The following SGPL1 variants were observed in gnomAD, a reference collection of about 807,000 sequenced individuals.
SGPL1 encodes SP-lyase 1.
A neutral mutation model predicts 68.9 loss-of-function variants in SGPL1; 37 were observed. That is an observed-to-expected ratio of 0.54 (90% CI 0.41 to 0.71). The LOEUF (loss-of-function observed/expected upper bound fraction) is 0.71. Ranked by LOEUF, SGPL1 falls within the 30% of genes least tolerant of loss-of-function variation. The pLI, the probability that SGPL1 is intolerant of heterozygous loss-of-function variation, is 0.00. For synonymous variants in SGPL1, 236 were observed against 248.5 expected, an observed-to-expected ratio of 0.95 and a Z score of 0.47; for missense variants, 551 against 704.6, an observed-to-expected ratio of 0.78 and a Z score of 2.47.
At chr10:70,875,725 C>A (rs1436135905) in intron 13 of SGPL1, among the ~76,000 whole-genome samples, 177 bp downstream of exon 13, 1 of 152,172 alleles carries the variant, frequency 6.6e-6, no homozygotes, top group East Asian at 1.9e-4. Flanking sequence ...AAGAACAAGA[C>A]CATTAGCTTT....
intron 2 of SGPL1, among the ~76,000 whole-genome samples, chr10:70,828,104 T>C (rs761956525): frequency 3.9e-5 from 6 of 152,242 alleles, no homozygotes; most frequent in Non-Finnish European, 5.9e-5. Context: ...GAACATGTCT[T>C]GGTAAACATA....
chr10:70,825,648 C>T (rs1421228317), intron 2 of SGPL1, among the ~76,000 whole-genome samples: 1 of 152,132 alleles, frequency 6.6e-6, no homozygotes, highest in East Asian at 1.9e-4. Context: ...CCTGGAGGGC[C>T]TTTAAAAGTA....
intron 5 of SGPL1, among the ~76,000 whole-genome samples, chr10:70,855,264 T>C (rs1018881597): frequency 2.3e-4 from 35 of 152,386 alleles, no homozygotes; most frequent in African/African-American, 7.7e-4. Flanking sequence ...TCTTTATGCA[T>C]GTAGCTATAG....
In SGPL1 at chr10:70,861,657, C is replaced by T. The variant is rs532188187; in HGVS notation, c.615+2158C>T. Among the ~76,000 whole-genome samples the T allele has an allele frequency of 1.1e-3, 165 of 152,294 alleles. 1 individual carries two copies. The highest frequency in any genetic ancestry group is 3.4e-3 in the Middle Eastern group (1 of 294). On this transcript the variant is annotated intron_variant, in intron 7 of 14. Transcript: ENST00000373202. ...GAGGTGTGGAGGGAGAGGCGTGAGC[C>T]GGAACCAGGGCTGCGCGCAGCGCTT... is the stretch of plus-strand genomic sequence containing the variant.
Position 70,876,578 on chromosome 10 carries a change from C to T in SGPL1, c.1483C>T (p.Arg495Ter), listed in dbSNP as rs374024951. The change falls in exon 14 of 15, where the codon CGA becomes TGA. Residue 495 changes from arginine to a stop codon, truncating the protein, a stop_gained. Coordinates refer to ENST00000373202, the MANE Select transcript of SGPL1 (RefSeq NM_003901.4). LOFTEE classifies it high-confidence loss of function. ...CATCACATTACTACACGCCCGGAAA[C>T]GAGTAGCTATACAATTCCTAAAGGA... ...FCITLLHARK[R>*]VAIQFLKDIR... The T allele has an allele frequency of 8.7e-6, 14 of 1,612,318 alleles. No homozygotes were observed. The highest frequency in any genetic ancestry group is 1.7e-5 in the Admixed American group (1 of 59,988).
Position 70,878,922 on chromosome 10 carries a change from T to A in SGPL1, c.*1587T>A, listed in dbSNP as rs1252709269. The A allele has an allele frequency of 2.0e-5, 3 of 152,720 alleles. No homozygotes were observed. Among genetic ancestry groups the A allele is most frequent in the Non-Finnish European group, 4.4e-5 (3 of 68,114 alleles). 9.5% of individuals were successfully genotyped at this position (152,720 alleles called of 1,614,324 possible). ...CCTGTAATCCCTTCCCAAGACTAGC[T>A]GCTCAGGGTGGTGCAGGGACAGGAC... is the stretch of plus-strand genomic sequence containing the variant. On this transcript the variant is annotated 3_prime_UTR_variant, in exon 15 of 15. Coordinates refer to ENST00000373202, the MANE Select transcript of SGPL1 (RefSeq NM_003901.4).
intron 7 of SGPL1, among the ~76,000 whole-genome samples, chr10:70,861,667 G>C (rs1186883035): frequency 6.6e-6 from 1 of 152,224 alleles, no homozygotes; most frequent in African/African-American, 2.4e-5. Context: ...CGGAACCAGG[G>C]CTGCGCGCAG....
intron 2 of SGPL1, among the ~76,000 whole-genome samples, chr10:70,818,833 A>C (rs1040201717): frequency 2.0e-5 from 3 of 152,216 alleles, no homozygotes; most frequent in African/African-American, 7.2e-5. Flanking sequence ...TCTTATTCAA[A>C]GACCATTATG....
Position 70,844,603 on chromosome 10 carries a change from T to C in SGPL1, c.158T>C (p.Ile53Thr). 1.2e-6 allele frequency: 2 copies of C among 1,614,144 alleles called. No individual in the cohort carries two copies. The highest frequency in any genetic ancestry group is 1.1e-5 in the South Asian group (1 of 91,078). Residue 53 changes from isoleucine to threonine, a missense_variant, in exon 3 of 15, where the codon ATA (isoleucine) becomes ACA (threonine). Coordinates refer to ENST00000373202, the MANE Select transcript of SGPL1 (RefSeq NM_003901.4). The part of the protein sequence containing the change: ...IAWSVVWTLL[I>T]VWGYEFVFQP... ...TGGAGTGTCGTGTGGACCCTGCTGA[T>C]AGTCTGGGGATATGAGTTTGTCTTC...
At chr10:70,819,224 C>T (rs1273571794) in intron 2 of SGPL1, among the ~76,000 whole-genome samples, 1 of 152,212 alleles carries the variant, frequency 6.6e-6, no homozygotes, top group Non-Finnish European at 1.5e-5. Flanking sequence ...CACCTTTCAC[C>T]TCCTCACCTG....
chr10:70,852,043 T>C (rs1220980607), intron 4 of SGPL1, among the ~76,000 whole-genome samples: 1 of 152,212 alleles, frequency 6.6e-6, no homozygotes, highest in African/African-American at 2.4e-5. Context: ...CAGATGAAGA[T>C]AAACAGGGCA....
intron 2 of SGPL1, among the ~76,000 whole-genome samples, chr10:70,837,674 C>T (rs1845647288): frequency 6.6e-6 from 1 of 152,176 alleles, no homozygotes; most frequent in Non-Finnish European, 1.5e-5. Flanking sequence ...TCTAGGTTGG[C>T]ATGGTAGATA....
Position 70,875,512 on chromosome 10 carries a change from AG to A in SGPL1, c.1413del (p.Trp472GlyfsTer3), listed in dbSNP as rs1846370282. 1 of 1,613,366 alleles carries A rather than the reference AG, an allele frequency of 6.2e-7. No individual in the cohort carries two copies. The highest frequency in any genetic ancestry group is 2.2e-5 in the East Asian group (1 of 44,876). On this transcript the variant is annotated frameshift_variant, in exon 13 of 15. Coordinates refer to ENST00000373202, the MANE Select transcript of SGPL1 (RefSeq NM_003901.4). LOFTEE classifies it high-confidence loss of function. ...IYRLSNLMTA[K>X]GWNLNQLQFP... ...CGACTATCAAACCTGATGACTGCTA[AG>A]GGGTGGAACTTGAACCAGTTGCAGT...
chr10:70,863,267 G>A (rs1364592637), intron 7 of SGPL1, among the ~76,000 whole-genome samples: 2 of 149,186 alleles, frequency 1.3e-5, no homozygotes, highest in South Asian at 2.1e-4. Context: ...GATTACAGGC[G>A]TAAGCCACCA....
chr10:70,854,453 G>A (rs1845931274), intron 4 of SGPL1, among the ~76,000 whole-genome samples: 1 of 152,146 alleles, frequency 6.6e-6, no homozygotes, highest in Admixed American at 6.5e-5. Context: ...GTGATAATAG[G>A]TGTAAGCCAC....
intron 5 of SGPL1, among the ~76,000 whole-genome samples, chr10:70,856,792 C>A (rs1291869704): frequency 1.1e-4 from 16 of 152,174 alleles, no homozygotes; most frequent in Admixed American, 6.5e-4. Flanking sequence ...TTTCTCACTA[C>A]CCACTTTCAA....
intron 2 of SGPL1, among the ~76,000 whole-genome samples, chr10:70,827,833 A>T (rs375639758): frequency 4.6e-4 from 70 of 152,278 alleles, no homozygotes; most frequent in African/African-American, 1.7e-3. Flanking sequence ...GTTGATACCT[A>T]CCAAAGGTTT....
At chr10:70,821,177 A>G (rs2131845485) in intron 2 of SGPL1, among the ~76,000 whole-genome samples, 1 of 152,340 alleles carries the variant, frequency 6.6e-6, no homozygotes, top group East Asian at 1.9e-4. Context: ...CTCATAGAGA[A>G]TAAAATGAGT....
chr10:70,820,753 C>A (rs1023595974), intron 2 of SGPL1, among the ~76,000 whole-genome samples: 2 of 151,038 alleles, frequency 1.3e-5, no homozygotes, highest in African/African-American at 4.9e-5. Flanking sequence ...CCAGCCTGGG[C>A]GACAGAGCGA....
Sources: gnomAD v4.1 joint callset for allele counts (sites outside exome capture counted in the v4.1 genomes callset) on GRCh38, gnomAD v4.1.1 for gene constraint, MANE v1.5 for transcripts, NCBI Gene and HGNC (gene_info 2026-07-23, HGNC 2026-07-21) for gene names.